The following WDR72 variants were observed in gnomAD, a reference collection of about 807,000 sequenced individuals.
WDR72 encodes the protein WD repeat domain 72.
Under a neutral mutation model 124.2 loss-of-function variants are expected in WDR72, and 120 were observed. The ratio of observed to expected loss-of-function variants is 0.97; its 90% CI spans 0.83 to 1.12. The LOEUF (loss-of-function observed/expected upper bound fraction) is 1.12, where lower values mean the gene tolerates loss of function less well. Among genes scored for constraint, WDR72 ranks in the 50% most tolerant of loss-of-function variants. WDR72 has a pLI of 0.00. For missense variants in WDR72, 1,387 were observed against 1,278.8 expected, an observed-to-expected ratio of 1.08 and a Z score of -1.29; for synonymous variants, 452 against 441.7, an observed-to-expected ratio of 1.02 and a Z score of -0.29.
chr15:53,687,118 C>A (rs561827278), intron 13 of WDR72, among the ~76,000 whole-genome samples: 6,873 of 146,956 alleles, frequency 0.047, 759 homozygotes, highest in African/African-American at 0.17. Context: ...AGGAAAGATC[C>A]AAAATTGACA....
At chr15:53,668,974 G>GAGGAGGAGGAGGAGA (rs2015885666) in intron 13 of WDR72, among the ~76,000 whole-genome samples, 1 of 112,862 alleles carries the variant, frequency 8.9e-6, no homozygotes, top group Non-Finnish European at 1.8e-5. Context: ...GGAGGAGGAG[G>GAGGAGGAGGAGGAGA]AGGAGAAGGA....
rs74015831 is a variant in WDR72 at position 53,616,618 on chromosome 15, C to T, written c.1963-375G>A. 9.3e-3 allele frequency among the ~76,000 whole-genome samples: 1,408 copies of T among 151,846 alleles called. 26 individuals carry two copies. The highest frequency in any genetic ancestry group is 0.033 in the African/African-American group (1,358 of 41,444). On this transcript the variant is annotated intron_variant, in intron 14 of 19. Coordinates refer to ENST00000360509, the MANE Select transcript of WDR72 (RefSeq NM_182758.4). ...AAACTGAGGAGAACAAATGTAAGAA[C>T]GCATGCAAAAATTTATTAAGTATTT...
At chr15:53,613,791 A>G (rs1487061811) in intron 15 of WDR72, 34 bp from the exon 16 acceptor site, 2 of 1,402,608 alleles carry the variant, frequency 1.4e-6, no homozygotes, top group African/African-American at 1.4e-5. Context: ...ATATTACTAA[A>G]AAGCATGAAA....
chr15:53,596,254 T>C (rs775004228), intron 18 of WDR72, among the ~76,000 whole-genome samples: 9 of 152,194 alleles, frequency 5.9e-5, no homozygotes, highest in Non-Finnish European at 8.8e-5. Context: ...GATAAATTAA[T>C]GTATTCATGA....
chr15:53,699,705 C>CA (rs2017107029), intron 13 of WDR72, 45 bp downstream of exon 13: 1 of 1,595,192 alleles, frequency 6.3e-7, no homozygotes, highest in African/African-American at 1.3e-5. Context: ...AATGCTTGTA[C>CA]ATCATAAATA....
intron 14 of WDR72, among the ~76,000 whole-genome samples, chr15:53,625,449 G>A (rs77339497): frequency 1.2e-3 from 182 of 152,322 alleles, no homozygotes; most frequent in African/African-American, 4.3e-3. Flanking sequence ...AATTGGTAAA[G>A]CAAGAGGGTG....
At chr15:53,761,405 T>A (rs566214440), upstream of WDR72, among the ~76,000 whole-genome samples, 1 of 152,148 alleles carries the variant, frequency 6.6e-6, no homozygotes, top group Admixed American at 6.5e-5. Context: ...GGAGAACAGT[T>A]TGAAGCTTCC....
At chr15:53,718,302 A>T (rs897843578) in intron 3 of WDR72, among the ~76,000 whole-genome samples, 11 of 136,100 alleles carry the variant, frequency 8.1e-5, no homozygotes, top group Non-Finnish European at 1.5e-4. Context: ...CTTATTTGAG[A>T]ACTTTTAAAA....
chr15:53,713,379 A>G (rs28375816), intron 6 of WDR72, among the ~76,000 whole-genome samples: 7,307 of 78,024 alleles, frequency 0.094, 633 homozygotes, highest in African/African-American at 0.26. Context: ...GACTAAAAAA[A>G]CCTACAGTAT....
intron 17 of WDR72, among the ~76,000 whole-genome samples, chr15:53,607,024 A>G (rs2013315213): frequency 6.6e-6 from 1 of 152,188 alleles, no homozygotes; most frequent in African/African-American, 2.4e-5. Flanking sequence ...AATTGGAGTT[A>G]TTGCTATTTT....
intron 18 of WDR72, among the ~76,000 whole-genome samples, chr15:53,532,585 A>C (rs1892540282): frequency 6.7e-6 from 1 of 149,176 alleles, no homozygotes; most frequent in African/African-American, 2.5e-5. Context: ...ATGACAGCTA[A>C]GAAAATATTG....
Position 53,704,871 on chromosome 15 carries a change from A to G in WDR72, c.1348+117T>C, listed in dbSNP as rs1009377207. The G allele has an allele frequency of 6.8e-6, 8 of 1,173,074 alleles. No individual in the cohort carries two copies. The South Asian group carries it at 1.0e-4, about 15-fold the overall frequency. The allele number at this position is 1,173,074 out of a possible 1,614,324, so 72.7% of individuals were successfully genotyped here. ...TTTACTTTAACATTAAAATATGTAC[A>G]TATTTATCAGCAAATGCCAGCAAAT... On this transcript the variant is annotated intron_variant, in intron 11 of 19. Coordinates refer to ENST00000360509, the MANE Select transcript of WDR72 (RefSeq NM_182758.4).
At chr15:53,600,786 G>A (rs775458616) in intron 17 of WDR72, among the ~76,000 whole-genome samples, 3 of 152,106 alleles carry the variant, frequency 2.0e-5, no homozygotes, top group Non-Finnish European at 2.9e-5. Context: ...CTAGCTGGAG[G>A]CCTACATTTC....
chr15:53,534,145 T>C (rs186977548), intron 18 of WDR72, among the ~76,000 whole-genome samples: 359 of 152,254 alleles, frequency 2.4e-3, no homozygotes, highest in African/African-American at 8.2e-3. Flanking sequence ...CATCTTTAGC[T>C]TATCTCAGAC....
At chr15:53,675,074 G>A (rs865941760) in intron 13 of WDR72, among the ~76,000 whole-genome samples, 1 of 152,164 alleles carries the variant, frequency 6.6e-6, no homozygotes, top group Non-Finnish European at 1.5e-5. Context: ...ATTAACACAC[G>A]CTAGCAGCGT....
chr15:53,559,460 G>A (rs942812766), intron 18 of WDR72, among the ~76,000 whole-genome samples: 2 of 152,026 alleles, frequency 1.3e-5, no homozygotes, highest in African/African-American at 4.8e-5. Context: ...TGCAATATGA[G>A]CTTCCTTTCC....
intron 14 of WDR72, among the ~76,000 whole-genome samples, chr15:53,631,114 C>G (rs1023835571): frequency 4.6e-5 from 7 of 152,106 alleles, no homozygotes; most frequent in Non-Finnish European, 7.4e-5. Context: ...GAGGTGGTGC[C>G]TGGTGAGAAC....
intron 18 of WDR72, among the ~76,000 whole-genome samples, chr15:53,564,172 GAATTTAAT>G (rs756268494): frequency 1.3e-5 from 2 of 151,772 alleles, no homozygotes; most frequent in Non-Finnish European, 2.9e-5. Context: ...ATCTGCAAAA[GAATTTAAT>G]AAACAAGGGG....
rs536428631 is a variant in WDR72, at chr15:53,555,542, C to T, written c.3149-32220G>A. Among the ~76,000 whole-genome samples, 12 of 151,962 alleles carry T rather than the reference C, an allele frequency of 7.9e-5. No individual in the cohort carries two copies. The East Asian group carries it at 1.7e-3, about 22-fold the overall frequency. On this transcript the variant is annotated intron_variant, in intron 18 of 19. Coordinates refer to ENST00000360509, the MANE Select transcript of WDR72 (RefSeq NM_182758.4). ...TTGCCTCTTTCCCACTTTTATCTCT[C>T]GTCCTTCATGTTGTAATAAATATAT...
Sources: allele counts gnomAD v4.1 joint callset (sites outside exome capture counted in the v4.1 genomes callset), GRCh38; gene constraint gnomAD v4.1.1; transcripts MANE v1.5; gene names NCBI Gene and HGNC (gene_info 2026-07-23, HGNC 2026-07-21).